Variants in PCDHA1 observed in about 807,000 individuals in gnomAD.
PCDHA1 encodes protocadherin alpha 1.
Under a neutral mutation model 61.3 loss-of-function variants are expected in PCDHA1, and 42 were observed. The observed-to-expected ratio is 0.69, with a 90% confidence interval of 0.54 to 0.89. The LOEUF (loss-of-function observed/expected upper bound fraction) is 0.89. Among genes scored for constraint, PCDHA1 ranks in the 40% least tolerant of loss-of-function variants. The pLI, the probability that PCDHA1 is intolerant of heterozygous loss-of-function variation, is 0.00. For synonymous variants in PCDHA1, 610 were observed against 553.8 expected, an observed-to-expected ratio of 1.10 and a Z score of -1.43; for missense variants, 1,256 against 1,235.3, an observed-to-expected ratio of 1.02 and a Z score of -0.25.
intron 1 of PCDHA1, chr5:140,870,955 C>A (rs782342308): frequency 1.9e-6 from 3 of 1,613,632 alleles, no homozygotes; most frequent in Non-Finnish European, 2.5e-6. Flanking sequence ...GGGCGGCTCG[C>A]GCATCCCGTT....
At chr5:140,850,475 G>A (rs372827076) in intron 1 of PCDHA1, 1 of 1,598,006 alleles carries the variant, frequency 6.3e-7, no homozygotes, top group Middle Eastern at 1.7e-4. Flanking sequence ...CAGCGCTGAC[G>A]GCCACGGCCA....
chr5:140,791,293 TGTAACTGCCA>T (rs1269255387), intron 1 of PCDHA1, among the ~76,000 whole-genome samples: 1 of 152,242 alleles, frequency 6.6e-6, no homozygotes, highest in Non-Finnish European at 1.5e-5. Flanking sequence ...AGCAGAATTA[TGTAACTGCCA>T]GTGAAAGACT....
In PCDHA1 at chr5:140,978,986, C is replaced by T. The variant is rs138901709; in HGVS notation, c.2432C>T (p.Ser811Phe). The change falls in exon 2 of 4, where the codon TCC (serine) becomes TTC (phenylalanine). Residue 811 changes from serine (S) to phenylalanine (F), a missense_variant. Physicochemically the swap from Ser to Phe is radical, Grantham distance 155. Transcript: ENST00000504120. ...AACCCTGACTGGCGTTACTCTGCCT[C>T]CCTGAGAGCAGGCATGCACAGGTAT... Reference protein sequence around the residue: ...QPNPDWRYSASLRAGMHSSVH... With the variant: ...QPNPDWRYSAFLRAGMHSSVH... 56 of 1,614,072 alleles carry T rather than the reference C, an allele frequency of 3.5e-5. No individual in the cohort carries two copies. The highest frequency in any genetic ancestry group is 4.5e-5 in the Non-Finnish European group (53 of 1,180,028).
At position 140,786,632 on chromosome 5, in the gene PCDHA1, G is replaced by A. The variant is rs781840688; in HGVS notation, c.342G>A (p.Leu114=). The A allele has an allele frequency of 3.1e-6, 5 of 1,614,272 alleles. No individual in the cohort carries two copies. In the East Asian group the frequency reaches 1.1e-4, roughly 36 times the overall value. Residue 114 remains leucine (L), a synonymous_variant, in exon 1 of 4, where the codon CTG becomes CTA. Coordinates refer to ENST00000504120, the MANE Select transcript of PCDHA1 (RefSeq NM_018900.4). ...IHLELIADRP[L]QVFHVEVKVK... ...TGGAGTTGATCGCCGACAGGCCGCT[G>A]CAGGTTTTCCATGTGGAGGTGAAGG...
At chr5:140,850,820 C>T in intron 1 of PCDHA1, 6 of 1,598,226 alleles carry the variant, frequency 3.8e-6, no homozygotes, top group Non-Finnish European at 5.1e-6. Flanking sequence ...TCAGCCCGGG[C>T]CTTTCTCCTT....
At chr5:140,856,514 G>A in intron 1 of PCDHA1, 1 of 1,598,422 alleles carries the variant, frequency 6.3e-7, no homozygotes. Context: ...ACTAGAAGGC[G>A]CATCTGATGC....
At chr5:140,825,477 T>C (rs1364531758) in intron 1 of PCDHA1, 1 of 150,372 alleles carries the variant, frequency 6.7e-6, no homozygotes, top group Non-Finnish European at 1.5e-5. Flanking sequence ...AATTTTGCTC[T>C]TGTTGCCCAA....
intron 3 of PCDHA1, among the ~76,000 whole-genome samples, chr5:140,993,229 C>T (rs1396962894): frequency 6.6e-6 from 1 of 152,092 alleles, no homozygotes; most frequent in Non-Finnish European, 1.5e-5. Flanking sequence ...GGTATGTTCT[C>T]TCTGAATCTG....
At chr5:140,925,866 G>A (rs952823745) in intron 1 of PCDHA1, among the ~76,000 whole-genome samples, 2 of 152,002 alleles carry the variant, frequency 1.3e-5, no homozygotes, top group Admixed American at 1.3e-4. Flanking sequence ...TATTGCTATT[G>A]ACTGGTTTAT....
At chr5:140,969,982 G>A (rs1327490843) in intron 1 of PCDHA1, among the ~76,000 whole-genome samples, 1 of 152,184 alleles carries the variant, frequency 6.6e-6, no homozygotes, top group Non-Finnish European at 1.5e-5. Context: ...CAACTCTTCT[G>A]TAGAGGGCTG....
At chr5:140,849,541 A>C in intron 1 of PCDHA1, 1 of 1,598,262 alleles carries the variant, frequency 6.3e-7, no homozygotes, top group Non-Finnish European at 8.6e-7. Flanking sequence ...AATGCTCCAC[A>C]GTTGACTATC....
At chr5:140,848,979 A>G in intron 1 of PCDHA1, 1 of 1,599,958 alleles carries the variant, frequency 6.3e-7, no homozygotes, top group Non-Finnish European at 8.5e-7. Flanking sequence ...CGATGCAGAT[A>G]TCGGGGAGAA....
At chr5:140,790,173 T>G (rs2149901032) in intron 1 of PCDHA1, among the ~76,000 whole-genome samples, 1 of 152,308 alleles carries the variant, frequency 6.6e-6, no homozygotes, top group South Asian at 2.1e-4. Flanking sequence ...TGATTACTGA[T>G]GATTGTGTAA....
chr5:140,828,220 C>T (rs1181528476), intron 1 of PCDHA1: 3 of 1,613,934 alleles, frequency 1.9e-6, no homozygotes, highest in Non-Finnish European at 1.7e-6. Flanking sequence ...AACACGGCAC[C>T]TTCGTGGGCC....
At chr5:140,928,452 G>T in intron 1 of PCDHA1, 3 of 1,614,126 alleles carry the variant, frequency 1.9e-6, no homozygotes, top group Non-Finnish European at 2.5e-6. Flanking sequence ...AGCTCAGGGG[G>T]TTTCATTTCC....
chr5:140,960,886 A>G (rs1161636963), intron 1 of PCDHA1, among the ~76,000 whole-genome samples: 1 of 152,198 alleles, frequency 6.6e-6, no homozygotes, highest in African/African-American at 2.4e-5. Context: ...CACACTAATG[A>G]ATTTGGGGCA....
intron 1 of PCDHA1, chr5:140,871,236 ACTCACGCTG>A: frequency 6.2e-7 from 1 of 1,613,908 alleles, no homozygotes; most frequent in Non-Finnish European, 8.5e-7. Context: ...GCCTCCTGGT[ACTCACGCTG>A]CTGCTGTATA....
chr5:140,795,786 C>G, intron 1 of PCDHA1: 1 of 1,613,802 alleles, frequency 6.2e-7, no homozygotes, highest in Non-Finnish European at 8.5e-7. Flanking sequence ...AAGGACCGAA[C>G]AGCGAGATTG....
intron 1 of PCDHA1, chr5:140,823,671 A>G: frequency 1.2e-6 from 2 of 1,614,028 alleles, no homozygotes; most frequent in Non-Finnish European, 1.7e-6. Context: ...AGATCAGCAC[A>G]ACACGCTCTC....
Sources: gnomAD v4.1 joint callset for allele counts (sites outside exome capture counted in the v4.1 genomes callset) on GRCh38, gnomAD v4.1.1 for gene constraint, MANE v1.5 for transcripts, NCBI Gene and HGNC (gene_info 2026-07-23, HGNC 2026-07-21) for gene names.